ZNF143: variants seen among roughly 807,000 people sequenced by gnomAD.
ZNF143 encodes zinc finger protein 143, also known as SPH-binding factor.
In ZNF143, 49 loss-of-function variants were observed where a neutral mutation model predicts 74.1. The observed-to-expected ratio is 0.66, with a 90% confidence interval of 0.53 to 0.84. ZNF143 has a LOEUF of 0.84. Ranked by LOEUF, ZNF143 falls within the 40% of genes least tolerant of loss-of-function variation. ZNF143 has a pLI of 0.00. For synonymous variants in ZNF143, 304 were observed against 282.8 expected (o/e 1.07, Z -0.75); for missense variants, 637 against 793.4 (o/e 0.80, Z 2.37).
chr11:9,502,072 G>GGT (rs1409752088), intron 11 of ZNF143, among the ~76,000 whole-genome samples: 2 of 149,228 alleles, frequency 1.3e-5, no homozygotes, highest in African/African-American at 4.9e-5. Flanking sequence ...TAGTAACTGG[G>GGT]ATTACAGGCA....
chr11:9,490,317 G>T (rs1460118298), intron 7 of ZNF143, among the ~76,000 whole-genome samples: 7 of 145,008 alleles, frequency 4.8e-5, no homozygotes, highest in Admixed American at 2.1e-4. Flanking sequence ...TTGAGACAGG[G>T]TCTCATTTGT....
At chr11:9,493,613 A>C (rs1847859841) in intron 7 of ZNF143, among the ~76,000 whole-genome samples, 1 of 152,100 alleles carries the variant, frequency 6.6e-6, no homozygotes, top group South Asian at 2.1e-4. Flanking sequence ...CCATTATTCT[A>C]GCCTCTGTAA....
At position 9,516,203 on chromosome 11, in the gene ZNF143, C is replaced by T; in HGVS notation, c.1527C>T (p.Val509=). 1 of 1,613,568 alleles carries T rather than the reference C, an allele frequency of 6.2e-7. No individual in the cohort carries two copies. Among genetic ancestry groups the T allele is most frequent in the African/African-American group, 1.3e-5 (1 of 75,006 alleles). ...TLISQDGTQH[V]NISQADMQAI... is the part of the protein sequence containing the mutation. ...TTGTAAAATTCACTGTATTGCAGGTCAACATATCTCAAGCTGACATGCAGG... is the reference window on the plus strand; with the variant it reads ...TTGTAAAATTCACTGTATTGCAGGTTAACATATCTCAAGCTGACATGCAGG... Residue 509 remains valine (V), a splice_region_variant and synonymous_variant, in exon 14 of 16, where the codon GTC becomes GTT. Coordinates refer to ENST00000396602, the MANE Select transcript of ZNF143 (RefSeq NM_003442.6).
chr11:9,479,845 T>G (rs1399517899), intron 7 of ZNF143, among the ~76,000 whole-genome samples: 1 of 152,240 alleles, frequency 6.6e-6, no homozygotes, highest in African/African-American at 2.4e-5. Flanking sequence ...ACTTCCTGAC[T>G]GCCCCCACCC....
intron 14 of ZNF143, among the ~76,000 whole-genome samples, chr11:9,522,606 G>T (rs1421379494): frequency 6.6e-6 from 1 of 152,132 alleles, no homozygotes; most frequent in Admixed American, 6.5e-5. Context: ...CGATTCTCCT[G>T]CCTCAGCCTC....
At chr11:9,477,809 T>A (rs1035786399) in intron 5 of ZNF143, among the ~76,000 whole-genome samples, 12 of 152,088 alleles carry the variant, frequency 7.9e-5, no homozygotes, top group Non-Finnish European at 1.5e-4. Flanking sequence ...GTTAGTGTTT[T>A]TTCTTTGTTT....
chr11:9,501,076 C>A lies in ZNF143; in HGVS notation c.968-15C>A. Reference sequence around the variant, plus strand: ...ATTTTTGCACCATTTAATGTATTACCCTTTATATTTGCAGGAGAAAGGCCC... The same window carrying A: ...ATTTTTGCACCATTTAATGTATTACACTTTATATTTGCAGGAGAAAGGCCC... On this transcript the variant is annotated splice_polypyrimidine_tract_variant and intron_variant, in intron 10 of 15. Coordinates refer to ENST00000396602, the MANE Select transcript of ZNF143 (RefSeq NM_003442.6). 6.2e-7 allele frequency: 1 copy of A among 1,613,830 alleles called. No homozygotes were observed. Among genetic ancestry groups the A allele is most frequent in the South Asian group, 1.1e-5 (1 of 91,044 alleles).
intron 7 of ZNF143, among the ~76,000 whole-genome samples, chr11:9,492,611 A>G (rs1847823959): frequency 6.6e-6 from 1 of 152,186 alleles, no homozygotes; most frequent in Non-Finnish European, 1.5e-5. Flanking sequence ...GTAAATTGAA[A>G]AAATTGAACA....
At position 9,516,360 on chromosome 11, in the gene ZNF143, C is replaced by T. The variant is rs1455036549; in HGVS notation, c.1684C>T (p.Gln562Ter). 6.2e-7 allele frequency: 1 copy of T among 1,607,610 alleles called. No homozygotes were observed. The highest frequency in any genetic ancestry group is 8.5e-7 in the Non-Finnish European group (1 of 1,176,508). Residue 562 changes from glutamine to a stop codon, truncating the protein, a stop_gained and splice_region_variant, in exon 14 of 16, where the codon CAG becomes TAG. Transcript: ENST00000396602. LOFTEE classifies it high-confidence loss of function. ...MVTAEGTEGE[Q>*]VAIVAQDLAA... ...TACTGCTGAGGGTACAGAAGGGGAA[C>T]AGGTAATTACTTTTTTCTGTTATGT...
At chr11:9,469,026 C>T (rs923076975) in intron 1 of ZNF143, among the ~76,000 whole-genome samples, 3 of 150,872 alleles carry the variant, frequency 2.0e-5, no homozygotes, top group East Asian at 2.0e-4. Context: ...CCCAGTTACT[C>T]GGGAGGCTGA....
At chr11:9,483,585 A>T (rs942925616) in intron 7 of ZNF143, among the ~76,000 whole-genome samples, 3 of 150,618 alleles carry the variant, frequency 2.0e-5, no homozygotes, top group African/African-American at 7.4e-5. Context: ...GTGAGCCACC[A>T]TGCCTGACCC....
At chr11:9,490,293 G>A (rs367902210) in intron 7 of ZNF143, among the ~76,000 whole-genome samples, 1 of 58,056 alleles carries the variant, frequency 1.7e-5, no homozygotes, top group Non-Finnish European at 3.6e-5. Context: ...TTTTTTTTTT[G>A]CTTTTTTTTT....
intron 14 of ZNF143, among the ~76,000 whole-genome samples, chr11:9,520,230 T>C (rs1445039594): frequency 6.6e-6 from 1 of 150,668 alleles, no homozygotes; most frequent in Non-Finnish European, 1.5e-5. Context: ...GAGAGGGGGT[T>C]TCACCATGTT....
chr11:9,511,521 C>G (rs758067810), intron 12 of ZNF143, among the ~76,000 whole-genome samples: 2 of 150,234 alleles, frequency 1.3e-5, no homozygotes, highest in Non-Finnish European at 3.0e-5. Flanking sequence ...CCAGGATGGT[C>G]TCGATCTCCT....
intron 1 of ZNF143, among the ~76,000 whole-genome samples, chr11:9,465,387 A>G (rs532369207): frequency 2.1e-4 from 31 of 150,028 alleles, no homozygotes; most frequent in Non-Finnish European, 3.4e-4. Flanking sequence ...GGGTTTCACC[A>G]TGTTGGCCAG....
intron 5 of ZNF143, among the ~76,000 whole-genome samples, chr11:9,477,403 C>T (rs990131831): frequency 1.7e-4 from 26 of 152,014 alleles, no homozygotes; most frequent in South Asian, 6.2e-4. Flanking sequence ...TACAGGTGCG[C>T]GCCACCATGC....
Position 9,525,938 on chromosome 11 carries a change from TAGAGACC to T in ZNF143, c.1833+555_1833+561del, listed in dbSNP as rs767581325. Among the ~76,000 whole-genome samples the T allele has an allele frequency of 5.3e-5, 8 of 152,048 alleles. No individual in the cohort carries two copies. In the South Asian group the frequency reaches 1.5e-3, roughly 28 times the overall value. On this transcript the variant is annotated intron_variant, in intron 15 of 15. Transcript: ENST00000396602. ...AGGTAGGTAGCTTGAGCTTAGGAAT[TAGAGACC>T]AGCCTGGGCAACATGGTGAAAACCA...
intron 1 of ZNF143, among the ~76,000 whole-genome samples, chr11:9,468,554 T>G (rs984014899): frequency 1.3e-5 from 2 of 152,246 alleles, no homozygotes; most frequent in Admixed American, 6.5e-5. Context: ...ATGAACTCTT[T>G]GCCCATACTT....
intron 7 of ZNF143, among the ~76,000 whole-genome samples, chr11:9,486,759 C>T (rs931981105): frequency 6.7e-6 from 1 of 149,502 alleles, no homozygotes; most frequent in Admixed American, 6.7e-5. Flanking sequence ...GCCTTTGCCA[C>T]CCGGGTTCAA....
Sources: allele counts gnomAD v4.1 joint callset (sites outside exome capture counted in the v4.1 genomes callset), GRCh38; gene constraint gnomAD v4.1.1; transcripts MANE v1.5; gene names NCBI Gene and HGNC (gene_info 2026-07-23, HGNC 2026-07-21).